SBNO1: variants seen among roughly 807,000 people sequenced by gnomAD.
SBNO1 encodes protein strawberry notch homolog 1.
A neutral mutation model predicts 173.6 loss-of-function variants in SBNO1; 23 were observed. The observed-to-expected ratio is 0.13, with a 90% CI of 0.10 to 0.19. SBNO1 has a LOEUF of 0.19. SBNO1 is among the 10% of genes least tolerant of loss of function. The pLI is 1.00. For synonymous variants in SBNO1, 632 were observed against 571.5 expected, an observed-to-expected ratio of 1.11 and a Z score of -1.51; for missense variants, 1,238 against 1,671.2, an observed-to-expected ratio of 0.74 and a Z score of 4.52.
chr12:123,312,841 C>G (rs185066896), intron 24 of SBNO1, among the ~76,000 whole-genome samples: 112 of 152,262 alleles, frequency 7.4e-4, no homozygotes, highest in African/African-American at 2.6e-3. Context: ...ACCTCCCACC[C>G]CAACCAATCA....
intron 1 of SBNO1, 66 bp downstream of exon 1, chr12:123,364,635 G>GGT (rs1875925981): frequency 3.9e-6 from 2 of 515,236 alleles, no homozygotes; most frequent in Non-Finnish European, 4.8e-6. Context: ...CCCCCCGAGG[G>GGT]TGGGAGTGGG....
In SBNO1 at chr12:123,338,829, C is replaced by T. The variant is rs926378491; in HGVS notation, c.651+2159G>A. Among the ~76,000 whole-genome samples the T allele has an allele frequency of 3.6e-4, 55 of 151,752 alleles. 1 individual carries two copies. The highest frequency in any genetic ancestry group is 1.9e-4 in the East Asian group (1 of 5,164). ...CAGAAGTTGCAGTGAGCTGAGATTGCACCACTGCCCTCCAGCCTGGGTGAC... is the reference window on the plus strand; with the variant it reads ...CAGAAGTTGCAGTGAGCTGAGATTGTACCACTGCCCTCCAGCCTGGGTGAC... On this transcript the variant is annotated intron_variant, in intron 5 of 31. Coordinates refer to ENST00000602398, the MANE Select transcript of SBNO1 (RefSeq NM_001167856.3).
intron 1 of SBNO1, among the ~76,000 whole-genome samples, chr12:123,360,385 T>C (rs1222030529): frequency 6.6e-6 from 1 of 152,110 alleles, no homozygotes; most frequent in East Asian, 1.9e-4. Flanking sequence ...AAGTCACAAA[T>C]CGAAGCTCAA....
chr12:123,292,272 A>G lies in SBNO1; in HGVS notation c.*3636T>C, dbSNP rs2048523260. 3.3e-5 allele frequency: 5 copies of G among 152,192 alleles called. No homozygotes were observed. Among genetic ancestry groups the G allele is most frequent in the Admixed American group, 2.6e-4 (4 of 15,276 alleles). The allele number at this position is 152,192 out of a possible 1,614,324, so 9.4% of individuals were successfully genotyped here. A position where few individuals can be genotyped will look rare whatever the true frequency, so the allele number is the denominator to read the frequency against. ...CTAACAGCAACGCTTATGTAGCACC[A>G]TTCTTAGAAACTACCAAGTATCACA... On this transcript the variant is annotated 3_prime_UTR_variant, in exon 32 of 32. Coordinates refer to ENST00000602398, the MANE Select transcript of SBNO1 (RefSeq NM_001167856.3).
chr12:123,320,090 G>C, intron 19 of SBNO1, 59 bp from the exon 20 acceptor site: 2 of 1,591,334 alleles, frequency 1.3e-6, no homozygotes, highest in Non-Finnish European at 8.6e-7. Context: ...GATGGACTCA[G>C]TGCCTCTTTC....
intron 1 of SBNO1, among the ~76,000 whole-genome samples, chr12:123,363,585 A>T (rs1185893768): frequency 6.6e-6 from 1 of 152,096 alleles, no homozygotes; most frequent in Non-Finnish European, 1.5e-5. Context: ...CCAGTTTATA[A>T]CCTTCCCTCA....
rs1206218815 is a variant in SBNO1, at chr12:123,340,969, A to C, written c.651+19T>G. On this transcript the variant is annotated intron_variant, in intron 5 of 31. Transcript: ENST00000602398. ...TCTCATACTACACAAAAATAAAGAC[A>C]CAGTTATTTGAAACTCACCATGGTT... The C allele has an allele frequency of 7.2e-7, 1 of 1,394,202 alleles. No homozygotes were observed. Among genetic ancestry groups the C allele is most frequent in the East Asian group, 2.3e-5 (1 of 44,038 alleles). The allele number at this position is 1,394,202 out of a possible 1,614,324, so 86.4% of individuals were successfully genotyped here.
chr12:123,334,681 C>T (rs552093744), intron 6 of SBNO1, among the ~76,000 whole-genome samples: 2 of 152,060 alleles, frequency 1.3e-5, no homozygotes, highest in Non-Finnish European at 2.9e-5. Context: ...GCACTCCAGC[C>T]TGAGTGATGC....
chr12:123,364,208 G>T, intron 1 of SBNO1: 1 of 985,618 alleles, frequency 1.0e-6, no homozygotes, highest in Non-Finnish European at 1.2e-6. Flanking sequence ...TAGGAAGGAC[G>T]ACCGCGTCGC....
In SBNO1 at chr12:123,327,915, C is replaced by T; in HGVS notation, c.1409G>A (p.Arg470Lys). The T allele has an allele frequency of 6.2e-7, 1 of 1,612,492 alleles. No homozygotes were observed. The highest frequency in any genetic ancestry group is 2.2e-5 in the East Asian group (1 of 44,862). Residue 470 changes from arginine to lysine, a missense_variant, in exon 11 of 32, where the codon AGA becomes AAA. By Grantham distance (26) the Arg-to-Lys change is conservative. Transcript: ENST00000602398. ...ACCAGTTGCACTAGCATAAACAACT[C>T]TGGCTTTTGGCAATTTGTTCTGAAG... ...LELQNKLPKA[R>K]VVYASATGAS... is the part of the protein sequence containing the mutation.
chr12:123,310,987 G>T (rs531116849), intron 25 of SBNO1, 68 bp downstream of exon 25: 1 of 1,169,422 alleles, frequency 8.6e-7, no homozygotes, highest in Admixed American at 1.7e-5. Flanking sequence ...CAGCTCAAAA[G>T]CATATATCAT....
intron 24 of SBNO1, among the ~76,000 whole-genome samples, chr12:123,312,143 C>T (rs1272660870): frequency 4.0e-5 from 6 of 151,128 alleles, no homozygotes. Context: ...GGTGCCATCA[C>T]AGCTCACTAC....
At chr12:123,319,673 T>G (rs1158890342) in intron 20 of SBNO1, among the ~76,000 whole-genome samples, 3 of 151,336 alleles carry the variant, frequency 2.0e-5, no homozygotes, top group Admixed American at 2.0e-4. Flanking sequence ...CCTCCCAAAG[T>G]GCTGGAATTA....
At position 123,309,306 on chromosome 12, in the gene SBNO1, G is replaced by T; in HGVS notation, c.3630+4C>A. 1 of 1,605,188 alleles carries T rather than the reference G, an allele frequency of 6.2e-7. No homozygotes were observed. Among genetic ancestry groups the T allele is most frequent in the Non-Finnish European group, 8.5e-7 (1 of 1,171,922 alleles). The stretch of plus-strand genomic sequence containing the variant: ...CTGAATAGAATTTAAAGGAAAAGTC[G>T]TACTTGCAATGACAAGTAAAAGCCA... On this transcript the variant is annotated splice_donor_region_variant and intron_variant, in intron 28 of 31. Transcript: ENST00000602398.
At position 123,320,426 on chromosome 12, in the gene SBNO1, A is replaced by G. The variant is rs748856152; in HGVS notation, c.2667+6T>C. 30 of 1,611,038 alleles carry G rather than the reference A, an allele frequency of 1.9e-5. No individual in the cohort carries two copies. Among genetic ancestry groups the G allele is most frequent in the Admixed American group, 3.4e-5 (2 of 59,508 alleles). ...AAATGTCACCAAGAGATACAGGCCT[A>G]TTTACCTCAGCAACGTTCTCAGGGC... is the stretch of plus-strand genomic sequence containing the variant. On this transcript the variant is annotated splice_donor_region_variant and intron_variant, in intron 19 of 31. Transcript: ENST00000602398.
Position 123,289,223 on chromosome 12 carries a change from T to C in SBNO1, c.*6685A>G, listed in dbSNP as rs943453319. On this transcript the variant is annotated 3_prime_UTR_variant, in exon 32 of 32. Transcript: ENST00000602398. Reference sequence around the variant, plus strand: ...TGTTACGCTTCACGGTTGATCGTTTTTACTTGCAAGAGTAAATAAACCTTG... The same window carrying C: ...TGTTACGCTTCACGGTTGATCGTTTCTACTTGCAAGAGTAAATAAACCTTG... 1.3e-5 allele frequency: 2 copies of C among 152,274 alleles called. No individual in the cohort carries two copies. Among genetic ancestry groups the C allele is most frequent in the African/African-American group, 4.8e-5 (2 of 41,470 alleles). 9.4% of individuals were successfully genotyped at this position (152,274 alleles called of 1,614,324 possible).
At chr12:123,299,958 G>C (rs1305682875) in intron 30 of SBNO1, among the ~76,000 whole-genome samples, 1 of 152,148 alleles carries the variant, frequency 6.6e-6, no homozygotes, top group African/African-American at 2.4e-5. Context: ...TGATACACTG[G>C]TTCTAAATCA....
chr12:123,354,797 G>C (rs1874249323), intron 1 of SBNO1, among the ~76,000 whole-genome samples: 1 of 152,150 alleles, frequency 6.6e-6, no homozygotes, highest in Admixed American at 6.6e-5. Flanking sequence ...GACCTCAGAT[G>C]ACATTTACCA....
chr12:123,323,248 T>G (rs1593362492), intron 16 of SBNO1, among the ~76,000 whole-genome samples: 1 of 152,250 alleles, frequency 6.6e-6, no homozygotes, highest in Admixed American at 6.5e-5. Flanking sequence ...CAGTGAAAAT[T>G]TGGAACCATT....
Sources: allele counts gnomAD v4.1 joint callset (sites outside exome capture counted in the v4.1 genomes callset), GRCh38; gene constraint gnomAD v4.1.1; transcripts MANE v1.5; gene names NCBI Gene and HGNC (gene_info 2026-07-23, HGNC 2026-07-21).